Variants in AFAP1 observed in about 807,000 individuals in gnomAD.
AFAP1 encodes the protein actin filament associated protein 1, also known as actin filament-associated protein 1.
In AFAP1, 75 loss-of-function variants were observed where a neutral mutation model predicts 93.9. That is an observed-to-expected ratio of 0.80 (90% confidence interval 0.66 to 0.97). The LOEUF (loss-of-function observed/expected upper bound fraction) is 0.97, where lower values mean the gene tolerates loss of function less well. Among genes scored for constraint, AFAP1 ranks in the 50% least tolerant of loss-of-function variants. The probability of loss-of-function intolerance (pLI) is 0.00; values close to 1 mark genes in which losing one functional copy is unlikely to be tolerated. For missense variants in AFAP1, 1,201 were observed against 1,050.8 expected (o/e 1.14, Z -1.98); for synonymous variants, 517 against 430.7 (o/e 1.20, Z -2.48).
intron 6 of AFAP1, among the ~76,000 whole-genome samples, chr4:7,828,104 C>CA (rs1461007017): frequency 6.6e-6 from 1 of 152,164 alleles, no homozygotes; most frequent in African/African-American, 2.4e-5. Context: ...TCTGCAAGGA[C>CA]AATGGATACA....
intron 6 of AFAP1, among the ~76,000 whole-genome samples, chr4:7,822,491 G>A (rs1438049117): frequency 6.6e-6 from 1 of 151,896 alleles, no homozygotes; most frequent in Admixed American, 6.6e-5. Context: ...ACACTAAAAG[G>A]CTGTACCCCA....
At chr4:7,848,137 G>A (rs1395435149) in intron 4 of AFAP1, among the ~76,000 whole-genome samples, 8 of 96,474 alleles carry the variant, frequency 8.3e-5, no homozygotes, top group African/African-American at 1.9e-4. Context: ...GGGAGTGAGT[G>A]AGGGAGTGAA....
Position 7,763,298 on chromosome 4 carries a change from C to CT in AFAP1, c.*466dup, listed in dbSNP as rs372395620. 180 of 174,416 alleles carry CT rather than the reference C, an allele frequency of 1.0e-3. No homozygotes were observed. The highest frequency in any genetic ancestry group is 4.2e-3 in the African/African-American group (174 of 41,896). 10.8% of individuals were successfully genotyped at this position (174,416 alleles called of 1,614,324 possible). The stretch of plus-strand genomic sequence containing the variant: ...AGGACTGCGTATGCCCCTGGCCCTC[C>CT]TGGTGGGCGTGCAAGGCGAGCCCAG... On this transcript the variant is annotated 3_prime_UTR_variant, in exon 18 of 18. Coordinates refer to ENST00000420658, the MANE Select transcript of AFAP1 (RefSeq NM_001134647.2).
chr4:7,931,923 C>T (rs1331855561), intron 1 of AFAP1, among the ~76,000 whole-genome samples: 3 of 151,950 alleles, frequency 2.0e-5, no homozygotes, highest in Non-Finnish European at 4.4e-5. Flanking sequence ...TGCAGTGGCG[C>T]GATCTTGGCT....
intron 1 of AFAP1, among the ~76,000 whole-genome samples, chr4:7,901,103 A>G (rs1165044435): frequency 6.6e-6 from 1 of 152,212 alleles, no homozygotes; most frequent in Non-Finnish European, 1.5e-5. Flanking sequence ...TCTGTGTTGA[A>G]TGCAGTTTGG....
At chr4:7,839,953 T>C (rs2149108608) in intron 5 of AFAP1, among the ~76,000 whole-genome samples, 1 of 152,300 alleles carries the variant, frequency 6.6e-6, no homozygotes, top group East Asian at 1.9e-4. Context: ...TGGAATTAAG[T>C]TATTAGCAAC....
intron 1 of AFAP1, among the ~76,000 whole-genome samples, chr4:7,902,092 C>T (rs1719146270): frequency 6.6e-6 from 1 of 152,190 alleles, no homozygotes; most frequent in Non-Finnish European, 1.5e-5. Flanking sequence ...AAATAACCTG[C>T]CATGATTTCT....
rs374382099 is a variant in AFAP1, at chr4:7,847,406, C to T, written c.335-4056G>A. Among the ~76,000 whole-genome samples, 7 of 151,984 alleles carry T rather than the reference C, an allele frequency of 4.6e-5. No homozygotes were observed. In the South Asian group the frequency reaches 6.2e-4, roughly 13 times the overall value. ...TCCGGAAAGTATGCTTAGCAGTGTC[C>T]CAATCAAGAGAACTCTCCGGAAAGT... On this transcript the variant is annotated intron_variant, in intron 4 of 17. Transcript: ENST00000420658.
intron 10 of AFAP1, among the ~76,000 whole-genome samples, chr4:7,795,827 A>G (rs914756513): frequency 6.6e-6 from 1 of 152,174 alleles, no homozygotes; most frequent in African/African-American, 2.4e-5. Context: ...GATGTAATTG[A>G]TATTATTACT....
intron 1 of AFAP1, among the ~76,000 whole-genome samples, chr4:7,890,024 AG>A (rs370679765): frequency 1.9e-4 from 28 of 149,480 alleles, no homozygotes; most frequent in South Asian, 6.3e-4. Context: ...AAAAAAAAAA[AG>A]AAGCCAATTC....
At position 7,819,123 on chromosome 4, in the gene AFAP1, A is replaced by G; in HGVS notation, c.775T>C (p.Cys259Arg). The change falls in exon 7 of 18, where the codon TGT becomes CGT. Residue 259 changes from cysteine to arginine, a missense_variant. Cys to Arg is a radical substitution (Grantham distance 180). Coordinates refer to ENST00000420658, the MANE Select transcript of AFAP1 (RefSeq NM_001134647.2). ...SGCSGPVDSE[C>R]PPPPSSPVHK... ...ACCGGGGAGCTTGGTGGAGGAGGAC[A>G]CTCTGAATCCACGGGGCCACTACAA... 6.2e-7 allele frequency: 1 copy of G among 1,613,776 alleles called. No homozygotes were observed. Among genetic ancestry groups the G allele is most frequent in the Non-Finnish European group, 8.5e-7 (1 of 1,179,894 alleles).
At chr4:7,926,092 C>A (rs1297444511) in intron 1 of AFAP1, among the ~76,000 whole-genome samples, 1 of 152,190 alleles carries the variant, frequency 6.6e-6, no homozygotes, top group African/African-American at 2.4e-5. Flanking sequence ...ATCCCTACAC[C>A]TTAGCATCCT....
rs144368126 is a variant in AFAP1 at position 7,794,355 on chromosome 4, A to G, written c.1267-529T>C. Among the ~76,000 whole-genome samples the G allele has an allele frequency of 5.1e-4, 77 of 152,274 alleles. 1 individual carries two copies. Among genetic ancestry groups the G allele is most frequent in the South Asian group, 1.2e-3 (6 of 4,820 alleles). ...TGATATAAAAAAGTAATTTCCTTTG[A>G]TATCAATTGTGTTTCCACAGGGGAA... is the stretch of plus-strand genomic sequence containing the variant. On this transcript the variant is annotated intron_variant, in intron 10 of 17. Transcript: ENST00000420658.
chr4:7,903,097 A>G (rs781577297), intron 1 of AFAP1, among the ~76,000 whole-genome samples: 1 of 152,206 alleles, frequency 6.6e-6, no homozygotes, highest in Admixed American at 6.5e-5. Context: ...CCTGCTTATG[A>G]TCCCTATTCA....
rs149030738 is a variant in AFAP1 at position 7,783,521 on chromosome 4, T to C, written c.1531-1894A>G. Among the ~76,000 whole-genome samples the C allele has an allele frequency of 5.1e-3, 779 of 151,776 alleles. 9 individuals carry two copies. Among genetic ancestry groups the C allele is most frequent in the African/African-American group, 0.017 (720 of 41,356 alleles). Reference sequence around the variant, plus strand: ...GTAACAGAGCCGAACACACAGAAAATAGTTTCAGGAAGGGCCTGGGCAGAG... The same window carrying C: ...GTAACAGAGCCGAACACACAGAAAACAGTTTCAGGAAGGGCCTGGGCAGAG... On this transcript the variant is annotated intron_variant, in intron 12 of 17. Coordinates refer to ENST00000420658, the MANE Select transcript of AFAP1 (RefSeq NM_001134647.2).
At position 7,806,219 on chromosome 4, in the gene AFAP1, G is replaced by A. The variant is rs533775073; in HGVS notation, c.1054+3395C>T. ...CGTCAGTCAACGTCACTCAATAGGC[G>A]TTGCAGGGTTAGGCGGGCGGACCTG... On this transcript the variant is annotated intron_variant, in intron 9 of 17. Coordinates refer to ENST00000420658, the MANE Select transcript of AFAP1 (RefSeq NM_001134647.2). 1.1e-3 allele frequency among the ~76,000 whole-genome samples: 170 copies of A among 152,340 alleles called. 1 individual carries two copies. Among genetic ancestry groups the A allele is most frequent in the African/African-American group, 3.5e-3 (146 of 41,582 alleles).
chr4:7,848,627 G>A (rs1412872575), intron 4 of AFAP1, among the ~76,000 whole-genome samples: 1 of 152,034 alleles, frequency 6.6e-6, no homozygotes, highest in Non-Finnish European at 1.5e-5. Flanking sequence ...GGATGGTACT[G>A]CCTACACTGA....
At chr4:7,819,672 T>C (rs555789183) in intron 6 of AFAP1, among the ~76,000 whole-genome samples, 1 of 152,194 alleles carries the variant, frequency 6.6e-6, no homozygotes, top group African/African-American at 2.4e-5. Flanking sequence ...GAGTTGGGAA[T>C]AACCCGGAGT....
intron 11 of AFAP1, among the ~76,000 whole-genome samples, chr4:7,789,488 C>T (rs1488722245): frequency 1.4e-5 from 2 of 143,918 alleles, no homozygotes; most frequent in African/African-American, 2.8e-5. Flanking sequence ...CCTCTTCATC[C>T]TCACCACCCC....
Sources: gnomAD v4.1 joint callset for allele counts (sites outside exome capture counted in the v4.1 genomes callset) on GRCh38, gnomAD v4.1.1 for gene constraint, MANE v1.5 for transcripts, NCBI Gene and HGNC (gene_info 2026-07-23, HGNC 2026-07-21) for gene names.